Variants in KIAA1210 observed in about 807,000 individuals in gnomAD.
The protein encoded by KIAA1210 is acrosomal protein KIAA1210.
Under a neutral mutation model 78.9 loss-of-function variants are expected in KIAA1210, and 48 were observed. The ratio of observed to expected loss-of-function variants is 0.61; its 90% CI spans 0.48 to 0.77. The LOEUF (loss-of-function observed/expected upper bound fraction) is 0.77. Ranked by LOEUF, KIAA1210 falls within the 30% of genes least tolerant of loss-of-function variation. The pLI is 0.00. For synonymous variants in KIAA1210, 406 were observed against 404.5 expected, an observed-to-expected ratio of 1.00 and a Z score of -0.04; for missense variants, 1,108 against 1,100.0, an observed-to-expected ratio of 1.01 and a Z score of -0.10.
chrX:119,133,936 C>T (rs191385785), intron 2 of KIAA1210, among the ~76,000 whole-genome samples: 131 of 110,946 alleles, frequency 1.2e-3, no homozygotes, highest in Non-Finnish European at 2.0e-3. Flanking sequence ...ATCATCAAGT[C>T]GGTATTTAGT....
chrX:119,105,699 G>T (rs1480455562), intron 5 of KIAA1210, among the ~76,000 whole-genome samples: 1 of 111,848 alleles, frequency 8.9e-6, no homozygotes, highest in Non-Finnish European at 1.9e-5. Context: ...AAAATCTACA[G>T]AATTTAAAAA....
At chrX:119,083,190 G>T in intron 10 of KIAA1210, 70 bp from the exon 11 acceptor site, 1 of 794,965 alleles carries the variant, frequency 1.3e-6, no homozygotes, top group Non-Finnish European at 1.8e-6. Context: ...CTTATTCAGA[G>T]GACCATAGAG....
rs1233315948 is a variant in KIAA1210 at position 119,088,490 on chromosome X, G to A, written c.2212C>T (p.Pro738Ser). The A allele has an allele frequency of 8.3e-7, 1 of 1,209,390 alleles. No homozygotes were observed. The highest frequency in any genetic ancestry group is 1.1e-6 in the Non-Finnish European group (1 of 895,032). The change falls in exon 9 of 12, where the codon CCT becomes TCT. Residue 738 changes from proline to serine, a missense_variant. This residue lies in a region of KIAA1210 where 672 missense variants were observed against 607.1 expected (regional missense o/e 1.11). Coordinates refer to ENST00000691062, the MANE Select transcript of KIAA1210 (RefSeq NM_001394962.1). ...GTAGGATTCATAATGGGCTGAGAAG[G>A]GCATCTGGAAGGCAGCTGCTGCATA... The part of the protein sequence containing the change: ...DFMQQLPSRC[P>S]SQPIMNPTVQ...
Position 119,123,508 on chromosome X carries a change from C to A in KIAA1210, c.61+74G>T, listed in dbSNP as rs1928528125. The A allele has an allele frequency of 3.9e-6, 3 of 768,384 alleles. No homozygotes were observed. In the Admixed American group the frequency reaches 9.1e-5, roughly 23 times the overall value. 63.3% of individuals were successfully genotyped at this position (768,384 alleles called of 1,213,427 possible). A position where few individuals can be genotyped will look rare whatever the true frequency, so the allele number is the denominator to read the frequency against. On this transcript the variant is annotated intron_variant, in intron 2 of 11. Transcript: ENST00000691062. ...GAACTTGTTTTCTTGTGCCTTGCTT[C>A]TTTGTCCTAGGAGCTAAATAAACAC...
At position 119,088,242 on chromosome X, in the gene KIAA1210, T is replaced by C; in HGVS notation, c.2460A>G (p.Gln820=). 4 of 1,211,630 alleles carry C rather than the reference T, an allele frequency of 3.3e-6. No homozygotes were observed. The highest frequency in any genetic ancestry group is 4.5e-6 in the Non-Finnish European group (4 of 895,295). Residue 820 remains glutamine, a synonymous_variant, in exon 9 of 12, where the codon CAA becomes CAG. Transcript: ENST00000691062. ...LCQPLMNPKV[Q]QNMFSGSEDI... is the part of the protein sequence containing the mutation. Reference sequence around the variant, plus strand: ...CCTCTGAACCTGAGAACATGTTTTGTTGAACTTTAGGATTCATCAAGGGCT... The same window carrying C: ...CCTCTGAACCTGAGAACATGTTTTGCTGAACTTTAGGATTCATCAAGGGCT...
chrX:119,096,085 A>T (rs1376967664), intron 7 of KIAA1210, among the ~76,000 whole-genome samples: 1 of 112,254 alleles, frequency 8.9e-6, no homozygotes, highest in Non-Finnish European at 1.9e-5. Flanking sequence ...CTTGATCTCC[A>T]AATAAGTGGA....
At position 119,107,795 on chromosome X, in the gene KIAA1210, T is replaced by G. The variant is rs1927936678; in HGVS notation, c.492+542A>C. On this transcript the variant is annotated intron_variant, in intron 5 of 11. Transcript: ENST00000691062. ...CTTACACAGGGACCTTTGGGCATAA[T>G]TCCACCCACAGGCTGAGACGGGGAA... Among the ~76,000 whole-genome samples, 3 of 111,963 alleles carry G rather than the reference T, an allele frequency of 2.7e-5. No homozygotes were observed. In the South Asian group the frequency reaches 1.1e-3, roughly 42 times the overall value.
chrX:119,123,646 A>G lies in KIAA1210; in HGVS notation c.-4T>C. 1 of 1,189,707 alleles carries G rather than the reference A, an allele frequency of 8.4e-7. No homozygotes were observed. The highest frequency in any genetic ancestry group is 1.1e-6 in the Non-Finnish European group (1 of 878,810). On this transcript the variant is annotated 5_prime_UTR_variant, in exon 2 of 12. Transcript: ENST00000691062. ...TTTCACTTAGTGATTCAGCCATTGT[A>G]GGATGACTAAAATAAAATACAAAGC...
At chrX:119,083,727 C>T (rs1051218453) in intron 10 of KIAA1210, among the ~76,000 whole-genome samples, 2 of 111,004 alleles carry the variant, frequency 1.8e-5, no homozygotes, top group Non-Finnish European at 3.8e-5. Flanking sequence ...AGAGCAGTGG[C>T]CTATAATCCC....
At chrX:119,093,116 A>G (rs1310615526) in intron 8 of KIAA1210, among the ~76,000 whole-genome samples, 1 of 112,328 alleles carries the variant, frequency 8.9e-6, no homozygotes, top group Non-Finnish European at 1.9e-5. Flanking sequence ...TGGGGATTTG[A>G]TAGGTGTTGG....
intron 3 of KIAA1210, among the ~76,000 whole-genome samples, chrX:119,112,819 T>C (rs1433865489): frequency 8.9e-6 from 1 of 111,983 alleles, no homozygotes; most frequent in Non-Finnish European, 1.9e-5. Flanking sequence ...AACGGCCATT[T>C]GACCCAACAA....
At chrX:119,124,614 A>G in intron 1 of KIAA1210, among the ~76,000 whole-genome samples, 1 of 112,151 alleles carries the variant, frequency 8.9e-6, no homozygotes, top group African/African-American at 3.2e-5. Flanking sequence ...CAGGCCGGGT[A>G]CAGTGGCTCA....
At chrX:119,085,264 C>T in intron 10 of KIAA1210, 119 bp downstream of exon 10, 1 of 661,939 alleles carries the variant, frequency 1.5e-6, no homozygotes, top group Non-Finnish European at 2.3e-6. Flanking sequence ...AGTCCTCCTG[C>T]CTTGATTAAT....
chrX:119,105,540 T>C (rs185402226), intron 5 of KIAA1210, among the ~76,000 whole-genome samples: 1 of 112,383 alleles, frequency 8.9e-6, no homozygotes, highest in Admixed American at 9.4e-5. Flanking sequence ...CCAGTTCTCA[T>C]AGAGGCGAGT....
chrX:119,115,312 T>A (rs1460118072), intron 3 of KIAA1210, among the ~76,000 whole-genome samples: 2 of 111,028 alleles, frequency 1.8e-5, no homozygotes, highest in Admixed American at 1.9e-4. Flanking sequence ...GGGAGAAATG[T>A]AGAACTTTAG....
intron 11 of KIAA1210, 140 bp downstream of exon 11, chrX:119,082,875 G>A: frequency 5.0e-6 from 2 of 398,441 alleles, no homozygotes; most frequent in Non-Finnish European, 8.6e-6. Flanking sequence ...GCTAATATTT[G>A]TATCTAATTA....
rs185786863 is a variant in KIAA1210, at chrX:119,093,722, C to G, written c.900G>C (p.Lys300Asn). The change falls in exon 8 of 12, where the codon AAG becomes AAC. Residue 300 changes from lysine to asparagine, a missense_variant. By Grantham distance (94) the Lys-to-Asn change is moderately conservative. Transcript: ENST00000691062. ...PNLPLVSEEE[K>N]SITKPKEINE... Reference sequence around the variant, plus strand: ...TGATTTCTTTTGGTTTGGTTATGCTCTTTTCTTCTTCAGAAACCAATGGAA... The same window carrying G: ...TGATTTCTTTTGGTTTGGTTATGCTGTTTTCTTCTTCAGAAACCAATGGAA... 6 of 1,210,535 alleles carry G rather than the reference C, an allele frequency of 5.0e-6. No homozygotes were observed. In the African/African-American group the frequency reaches 8.7e-5, roughly 18 times the overall value.
At chrX:119,110,194 A>T (rs996970978) in intron 3 of KIAA1210, among the ~76,000 whole-genome samples, 2 of 112,450 alleles carry the variant, frequency 1.8e-5, no homozygotes, top group Non-Finnish European at 1.9e-5. Flanking sequence ...TTTACAAGGA[A>T]TGATTGGCTT....
chrX:119,122,755 G>A (rs1928508543), intron 2 of KIAA1210, among the ~76,000 whole-genome samples: 1 of 111,508 alleles, frequency 9.0e-6, no homozygotes, highest in Non-Finnish European at 1.9e-5. Context: ...ACTAAACAGT[G>A]ATAACACAGA....
Sources: gnomAD v4.1 joint callset for allele counts (sites outside exome capture counted in the v4.1 genomes callset) on GRCh38, gnomAD v4.1.1 for gene constraint, gnomAD v4.1.1 regional missense constraint, MANE v1.5 for transcripts, NCBI Gene and HGNC (gene_info 2026-07-23, HGNC 2026-07-21) for gene names.